TPO: variants seen among roughly 807,000 people sequenced by gnomAD.
TPO encodes thyroid microsomal antigen.
TPO carries 78 observed loss-of-function variants against 96.9 expected under a neutral mutation model. That is an observed-to-expected ratio of 0.81 (90% confidence interval 0.67 to 0.97). TPO has a LOEUF of 0.97. TPO is among the 50% of genes least tolerant of loss of function. TPO has a pLI of 0.00. For missense variants in TPO, 1,252 were observed against 1,274.8 expected, an observed-to-expected ratio of 0.98 and a Z score of 0.27; for synonymous variants, 547 against 538.0, an observed-to-expected ratio of 1.02 and a Z score of -0.23.
intron 16 of TPO, 95 bp downstream of exon 16, chr2:1,540,818 TTC>T (rs745713489): frequency 5.0e-6 from 8 of 1,602,858 alleles, no homozygotes; most frequent in East Asian, 2.3e-5. Context: ...CCCTGCATAT[TTC>T]TGTTTACTCC....
chr2:1,398,479 A>C (rs1662119156), intron 1 of TPO, among the ~76,000 whole-genome samples: 1 of 152,154 alleles, frequency 6.6e-6, no homozygotes. Flanking sequence ...TCAGAAGCAA[A>C]GACCACTCCA....
chr2:1,523,180 TCAAATCCCCCCAACTGTTTGCAACCTCC>T (rs1558401512), intron 15 of TPO, among the ~76,000 whole-genome samples: 1 of 74,898 alleles, frequency 1.3e-5, no homozygotes, highest in Admixed American at 1.6e-4. Context: ...TGCAACCTCC[TCAAATCCCCCCAACTGTTTGCAACCTCC>T]CAAATCCCCC....
Position 1,472,230 on chromosome 2 carries a change from T to C in TPO, c.820-4856T>C, listed in dbSNP as rs114766785. On this transcript the variant is annotated intron_variant, in intron 7 of 16. Transcript: ENST00000329066. ...GCCCCTCCTGTGTTCTGAATGCTTATAGAGTGCCCTTCACATGATCTGAGT... is the reference window on the plus strand; with the variant it reads ...GCCCCTCCTGTGTTCTGAATGCTTACAGAGTGCCCTTCACATGATCTGAGT... 4.1e-3 allele frequency among the ~76,000 whole-genome samples: 630 copies of C among 152,118 alleles called. 1 individual carries two copies. Among genetic ancestry groups the C allele is most frequent in the African/African-American group, 0.014 (586 of 41,502 alleles).
rs779775136 is a variant in TPO at position 1,477,453 on chromosome 2, G to A, written c.1187G>A (p.Arg396His). The change falls in exon 8 of 17, where the codon CGC (arginine) becomes CAC (histidine). Residue 396 changes from arginine to histidine, a missense_variant. Arg to His is a conservative substitution (Grantham distance 29, BLOSUM62 0). Coordinates refer to ENST00000329066, the MANE Select transcript of TPO (RefSeq NM_001206744.2). ...RGPCFLAGDG[R>H]ASEVPSLTAL... ...CCCTGCTTCCTGGCCGGAGACGGCC[G>A]CGCCAGCGAGGTCCCCTCCCTGACG... 6.6e-7 allele frequency: 1 copy of A among 1,524,524 alleles called. No individual in the cohort carries two copies. 94.4% of individuals were successfully genotyped at this position (1,524,524 alleles called of 1,614,324 possible).
chr2:1,532,595 C>G (rs1315615048), intron 15 of TPO, among the ~76,000 whole-genome samples: 4 of 110,288 alleles, frequency 3.6e-5, no homozygotes, highest in Non-Finnish European at 5.5e-5. Flanking sequence ...CCAAATCCCC[C>G]CCACAGTGTG....
At chr2:1,494,873 C>CA (rs1255481071) in intron 11 of TPO, among the ~76,000 whole-genome samples, 4 of 152,170 alleles carry the variant, frequency 2.6e-5, no homozygotes, top group African/African-American at 9.7e-5. Context: ...GTCCTTTCCC[C>CA]AGTGTGACTT....
At chr2:1,408,700 T>C (rs887235431), upstream of TPO, among the ~76,000 whole-genome samples, 13 of 152,298 alleles carry the variant, frequency 8.5e-5, no homozygotes, top group African/African-American at 3.1e-4. Context: ...AATTAATTAA[T>C]CTTATAACAT....
rs867351873 is a variant in TPO at position 1,485,078 on chromosome 2, C to T, written c.1597+224C>T. Among the ~76,000 whole-genome samples, 10 of 149,388 alleles carry T rather than the reference C, an allele frequency of 6.7e-5. No homozygotes were observed. In the South Asian group the frequency reaches 8.6e-4, roughly 13 times the overall value. On this transcript the variant is annotated intron_variant, in intron 9 of 16. Coordinates refer to ENST00000329066, the MANE Select transcript of TPO (RefSeq NM_001206744.2). ...CCCCTGACCCCCACCCCACGACAGACGGGATATGATGATCCCCGCCCTGTG... is the reference window on the plus strand; with the variant it reads ...CCCCTGACCCCCACCCCACGACAGATGGGATATGATGATCCCCGCCCTGTG...
chr2:1,484,335 T>C (rs28910607), intron 8 of TPO, among the ~76,000 whole-genome samples: 2,311 of 152,228 alleles, frequency 0.015, 60 homozygotes, highest in African/African-American at 0.053. Flanking sequence ...TCGACAGAGG[T>C]GCTGTCTCTT....
At position 1,542,639 on chromosome 2, in the gene TPO, T is replaced by C. The variant is rs1680893607; in HGVS notation, c.*165T>C. ...ACTCTCAGGCATGGATGAATAAATGTTATAGCTGCATTTGTCTGGCCTTTT... is the reference window on the plus strand; with the variant it reads ...ACTCTCAGGCATGGATGAATAAATGCTATAGCTGCATTTGTCTGGCCTTTT... On this transcript the variant is annotated 3_prime_UTR_variant, in exon 17 of 17. Coordinates refer to ENST00000329066, the MANE Select transcript of TPO (RefSeq NM_001206744.2). 1 of 1,542,914 alleles carries C rather than the reference T, an allele frequency of 6.5e-7. No individual in the cohort carries two copies. Among genetic ancestry groups the C allele is most frequent in the Non-Finnish European group, 8.8e-7 (1 of 1,140,210 alleles).
intron 2 of TPO, among the ~76,000 whole-genome samples, chr2:1,418,042 G>A (rs1440791370): frequency 1.3e-5 from 2 of 152,180 alleles, no homozygotes; most frequent in Admixed American, 6.5e-5. Context: ...CAACACTTTG[G>A]GAGGCCGAGG....
At chr2:1,521,003 C>T (rs987747809) in intron 15 of TPO, among the ~76,000 whole-genome samples, 3 of 152,168 alleles carry the variant, frequency 2.0e-5, no homozygotes, top group African/African-American at 7.2e-5. Flanking sequence ...TTTACCAATT[C>T]TACTTTTCCA....
intron 14 of TPO, among the ~76,000 whole-genome samples, chr2:1,507,752 TG>T (rs1673631740): frequency 6.6e-6 from 1 of 152,146 alleles, no homozygotes; most frequent in South Asian, 2.1e-4. Context: ...GAGACTTTGC[TG>T]AAGTTGCTTA....
chr2:1,422,397 C>CAGGTGCCGCGCTGGACAGACCTCGTG (rs1467468825), intron 2 of TPO, among the ~76,000 whole-genome samples: 1 of 54,878 alleles, frequency 1.8e-5, no homozygotes, highest in Admixed American at 2.3e-4. Context: ...CCGCGCTGGG[C>CAGGTGCCGCGCTGGACAGACCTCGTG]CATGGGGAGA....
At chr2:1,476,993 G>C (rs1670007789) in intron 7 of TPO, 93 bp from the exon 8 acceptor site, 1 of 1,463,902 alleles carries the variant, frequency 6.8e-7, no homozygotes, top group African/African-American at 1.4e-5. Context: ...GAAACGTGCG[G>C]CGCTGCGGGG....
intron 6 of TPO, 117 bp from the exon 7 acceptor site, chr2:1,455,959 G>A: frequency 3.0e-6 from 3 of 1,014,506 alleles, no homozygotes; most frequent in Non-Finnish European, 4.5e-6. Flanking sequence ...GATCTCCTAG[G>A]GGCACCTGGA....
At position 1,516,846 on chromosome 2, in the gene TPO, G is replaced by A. The variant is rs1307717903; in HGVS notation, c.2519-37G>A. ...GACAACCTGGCTTGCCCAGGCCCTG[G>A]AAGGTTCTTCTAACCAGGCCTCTTT... On this transcript the variant is annotated intron_variant, in intron 14 of 16. Transcript: ENST00000329066. 4.4e-6 allele frequency: 7 copies of A among 1,606,442 alleles called. No homozygotes were observed. The African/African-American group carries it at 8.0e-5, about 18-fold the overall frequency.
At chr2:1,537,740 G>A (rs1680154638) in intron 15 of TPO, among the ~76,000 whole-genome samples, 1 of 81,454 alleles carries the variant, frequency 1.2e-5, no homozygotes, top group Non-Finnish European at 2.4e-5. Flanking sequence ...CCAACTGTCT[G>A]CAAACTCCCC....
At chr2:1,515,166 C>A (rs538749829) in intron 14 of TPO, among the ~76,000 whole-genome samples, 1 of 152,338 alleles carries the variant, frequency 6.6e-6, no homozygotes, top group South Asian at 2.1e-4. Flanking sequence ...TCGATCAGCT[C>A]AGCCTTCCCC....
Sources: gnomAD v4.1 joint callset for allele counts (sites outside exome capture counted in the v4.1 genomes callset) on GRCh38, gnomAD v4.1.1 for gene constraint, MANE v1.5 for transcripts, NCBI Gene and HGNC (gene_info 2026-07-23, HGNC 2026-07-21) for gene names.